The following PLCB1 variants were observed in gnomAD, a reference collection of about 807,000 sequenced individuals.
PLCB1 encodes the protein 1-phosphatidylinositol 4,5-bisphosphate phosphodiesterase beta-1.
PLCB1 carries 46 observed loss-of-function variants against 161.8 expected under a neutral mutation model. That is an observed-to-expected ratio of 0.28 (90% CI 0.22 to 0.36). The LOEUF (loss-of-function observed/expected upper bound fraction) is 0.36. Ranked by LOEUF, PLCB1 falls within the 10% of genes least tolerant of loss-of-function variation. PLCB1 has a pLI of 1.00. For missense variants in PLCB1, 1,016 were observed against 1,472.5 expected, an observed-to-expected ratio of 0.69 and a Z score of 5.07; for synonymous variants, 517 against 503.7, an observed-to-expected ratio of 1.03 and a Z score of -0.35.
At chr20:8,412,914 G>T (rs926394219) in intron 3 of PLCB1, among the ~76,000 whole-genome samples, 1 of 143,242 alleles carries the variant, frequency 7.0e-6, no homozygotes, top group African/African-American at 2.6e-5. Context: ...CTTTTTATAT[G>T]TTTCAGTATT....
At chr20:8,192,005 A>G (rs1389272169) in intron 2 of PLCB1, among the ~76,000 whole-genome samples, 1 of 152,068 alleles carries the variant, frequency 6.6e-6, no homozygotes, top group Non-Finnish European at 1.5e-5. Flanking sequence ...GGTTTTCAGT[A>G]TATAATTCAG....
chr20:8,663,525 A>C (rs1310059500), intron 9 of PLCB1, among the ~76,000 whole-genome samples: 1 of 152,108 alleles, frequency 6.6e-6, no homozygotes, highest in Non-Finnish European at 1.5e-5. Flanking sequence ...TCTTCTGAGG[A>C]CCTGCTGTAA....
At chr20:8,417,174 C>T (rs1028295344) in intron 3 of PLCB1, among the ~76,000 whole-genome samples, 3 of 145,176 alleles carry the variant, frequency 2.1e-5, no homozygotes, top group East Asian at 2.0e-4. Context: ...ACAAGCTCCG[C>T]CTCCCAGGTT....
At chr20:8,636,432 C>A (rs993046953) in intron 4 of PLCB1, among the ~76,000 whole-genome samples, 1 of 152,174 alleles carries the variant, frequency 6.6e-6, no homozygotes, top group East Asian at 1.9e-4. Flanking sequence ...ACATTCTGCA[C>A]ATTTTGGATA....
intron 9 of PLCB1, among the ~76,000 whole-genome samples, chr20:8,662,492 A>C (rs1361086261): frequency 7.1e-6 from 1 of 140,252 alleles, no homozygotes; most frequent in Non-Finnish European, 1.5e-5. Context: ...ATAATTTTTT[A>C]TTATATAATT....
intron 11 of PLCB1, among the ~76,000 whole-genome samples, chr20:8,698,144 A>G (rs895504970): frequency 6.6e-6 from 1 of 152,190 alleles, no homozygotes; most frequent in Non-Finnish European, 1.5e-5. Flanking sequence ...GTATGCATCC[A>G]TGTAACTACC....
intron 9 of PLCB1, among the ~76,000 whole-genome samples, chr20:8,680,101 A>T (rs1990178881): frequency 6.6e-6 from 1 of 152,196 alleles, no homozygotes; most frequent in African/African-American, 2.4e-5. Context: ...TAAGTTTTTT[A>T]GAAAAGCAAT....
At chr20:8,756,890 T>C (rs879068805) in intron 23 of PLCB1, among the ~76,000 whole-genome samples, 156 bp from the exon 24 acceptor site, 2 of 152,178 alleles carry the variant, frequency 1.3e-5, no homozygotes, top group South Asian at 2.1e-4. Flanking sequence ...CTCAACACTA[T>C]GCTGTTTTAA....
intron 3 of PLCB1, among the ~76,000 whole-genome samples, chr20:8,436,354 A>G (rs771936): frequency 0.39 from 58,201 of 149,806 alleles, 11,649 homozygotes; most frequent in South Asian, 0.48. Context: ...AGAATATTGA[A>G]CATATGTTTA....
At chr20:8,854,400 C>A (rs1250951995) in intron 31 of PLCB1, among the ~76,000 whole-genome samples, 1 of 152,136 alleles carries the variant, frequency 6.6e-6, no homozygotes, top group Non-Finnish European at 1.5e-5. Flanking sequence ...ATATTTCTTC[C>A]AATAACACCA....
intron 3 of PLCB1, among the ~76,000 whole-genome samples, chr20:8,386,013 C>T (rs1476515519): frequency 6.6e-6 from 1 of 152,342 alleles, no homozygotes. Flanking sequence ...AGCAGTCACA[C>T]CTTTAGGTTC....
intron 2 of PLCB1, among the ~76,000 whole-genome samples, chr20:8,162,606 T>C (rs1344028621): frequency 6.6e-6 from 1 of 152,216 alleles, no homozygotes; most frequent in Non-Finnish European, 1.5e-5. Context: ...ATTCTGCTTC[T>C]ATAGGGAATG....
chr20:8,524,485 A>T (rs1203233625), intron 3 of PLCB1, among the ~76,000 whole-genome samples: 1 of 152,186 alleles, frequency 6.6e-6, no homozygotes, highest in Non-Finnish European at 1.5e-5. Flanking sequence ...AATTAGGATG[A>T]GAATAACCTT....
At chr20:8,523,492 C>CCATATATATATA in intron 3 of PLCB1, among the ~76,000 whole-genome samples, 2 of 61,858 alleles carry the variant, frequency 3.2e-5, no homozygotes, top group South Asian at 4.9e-4. Flanking sequence ...CTCTCTCTCT[C>CCATATATATATA]TCTCTATATA....
chr20:8,382,317 C>G (rs1293821533), intron 3 of PLCB1, among the ~76,000 whole-genome samples: 19 of 138,336 alleles, frequency 1.4e-4, no homozygotes, highest in African/African-American at 4.9e-4. Flanking sequence ...GAGTCTTGCT[C>G]TGTCGCCCAG....
intron 4 of PLCB1, 190 bp downstream of exon 4, chr20:8,628,621 T>C (rs758317956): frequency 2.0e-4 from 118 of 596,682 alleles, no homozygotes; most frequent in Middle Eastern, 9.1e-4. Context: ...TTAAGAATTA[T>C]GGAGATTTTT....
chr20:8,543,621 A>C (rs980279378), intron 3 of PLCB1, among the ~76,000 whole-genome samples: 9 of 40,276 alleles, frequency 2.2e-4, no homozygotes, highest in African/African-American at 7.8e-4. Flanking sequence ...AAAGAGTTCC[A>C]AAAAAAAAAA....
At chr20:8,826,420 G>A (rs1449529604) in intron 31 of PLCB1, among the ~76,000 whole-genome samples, 8 of 151,848 alleles carry the variant, frequency 5.3e-5, no homozygotes, top group South Asian at 2.1e-4. Context: ...GCATGAACCC[G>A]GGAGGCAGAG....
chr20:8,159,167 G>A (rs1330616395), intron 2 of PLCB1, among the ~76,000 whole-genome samples: 1 of 152,174 alleles, frequency 6.6e-6, no homozygotes, highest in Non-Finnish European at 1.5e-5. Flanking sequence ...ACATCCAGGT[G>A]TTTCCATACA....
Sources: allele counts gnomAD v4.1 joint callset (sites outside exome capture counted in the v4.1 genomes callset), GRCh38; gene constraint gnomAD v4.1.1; transcripts MANE v1.5; gene names NCBI Gene and HGNC (gene_info 2026-07-23, HGNC 2026-07-21).